POLK: variants seen among roughly 807,000 people sequenced by gnomAD.
POLK encodes polymerase (DNA directed) kappa.
Under a neutral mutation model 94.0 loss-of-function variants are expected in POLK, and 76 were observed. The ratio of observed to expected loss-of-function variants is 0.81; its 90% CI spans 0.67 to 0.98. POLK has a LOEUF of 0.98. Among genes scored for constraint, POLK ranks in the 50% least tolerant of loss-of-function variants. POLK has a pLI of 0.00. For synonymous variants in POLK, 349 were observed against 325.4 expected (o/e 1.07, Z -0.78); for missense variants, 954 against 1,010.1 (o/e 0.94, Z 0.75).
rs147867764 is a variant in POLK, at chr5:75,542,760, T to G, written c.-13-4250T>G. On this transcript the variant is annotated intron_variant, in intron 1 of 14. Coordinates refer to ENST00000241436, the Ensembl canonical transcript of POLK. ...TCGCCCAGGCTGCAGTGCAGTGGCG[T>G]GATCTCGGCTCACTGCAACCTGGCT... Among the ~76,000 whole-genome samples the G allele has an allele frequency of 1.1e-3, 163 of 149,812 alleles. 1 individual carries two copies. The East Asian group carries it at 0.027, about 25-fold the overall frequency.
chr5:75,595,498 C>T (rs1268136027), intron 12 of POLK, among the ~76,000 whole-genome samples: 3 of 152,054 alleles, frequency 2.0e-5, no homozygotes, highest in Non-Finnish European at 2.9e-5. Flanking sequence ...AAGCTAAATA[C>T]TGTGTGATTC....
intron 9 of POLK, among the ~76,000 whole-genome samples, chr5:75,585,390 G>A (rs984952852): frequency 1.3e-5 from 2 of 152,202 alleles, no homozygotes; most frequent in South Asian, 4.1e-4. Context: ...AGGCACTGTA[G>A]ATAACAGCAG....
At chr5:75,533,364 T>G (rs1199232969) in intron 1 of POLK, among the ~76,000 whole-genome samples, 1 of 152,222 alleles carries the variant, frequency 6.6e-6, no homozygotes, top group Non-Finnish European at 1.5e-5. Flanking sequence ...TTGCGTGTTT[T>G]TGTTGATTTT....
rs527681341 is a variant in POLK, at chr5:75,519,799, G to T, written c.-14+7885G>T. On this transcript the variant is annotated intron_variant, in intron 1 of 14. Transcript: ENST00000241436. ...GTGAAGTGGATTTCTTGTGGGAATT[G>T]TATGGTTTGGTCTTGTTTCTTTATC... 2.6e-5 allele frequency among the ~76,000 whole-genome samples: 4 copies of T among 152,242 alleles called. No individual in the cohort carries two copies. The South Asian group carries it at 6.2e-4, about 24-fold the overall frequency.
chr5:75,597,541 A>G (rs1412755385), intron 13 of POLK: 2 of 427,434 alleles, frequency 4.7e-6, no homozygotes, highest in Non-Finnish European at 4.2e-6. Context: ...TGCTGACTCT[A>G]CCCAAATTTC....
chr5:75,590,102 A>G (rs1238270350), intron 10 of POLK, among the ~76,000 whole-genome samples: 1 of 152,200 alleles, frequency 6.6e-6, no homozygotes, highest in Non-Finnish European at 1.5e-5. Context: ...TTTTTGTGAT[A>G]TAATAGAGCA....
chr5:75,545,070 C>T (rs5744580), intron 1 of POLK, among the ~76,000 whole-genome samples: 89 of 152,258 alleles, frequency 5.8e-4, no homozygotes, highest in Middle Eastern at 3.4e-3. Context: ...GGAGCTTTGG[C>T]GTCACAGCTC....
exon 1 of POLK, chr5:75,511,869 C>T (rs1768031895): frequency 7.9e-6 from 12 of 1,515,510 alleles, no homozygotes; most frequent in African/African-American, 1.4e-5. Context: ...TGGTCCGTCG[C>T]TCGCGCAGCC....
exon 13 of POLK, chr5:75,596,313 G>A (rs1773081492): frequency 1.2e-5 from 20 of 1,613,196 alleles, no homozygotes; most frequent in Non-Finnish European, 1.6e-5. Flanking sequence ...ACCAAGCCCT[G>A]TCAGCCACTG....
At chr5:75,560,986 G>A (rs999979709) in intron 3 of POLK, among the ~76,000 whole-genome samples, 6 of 152,154 alleles carry the variant, frequency 3.9e-5, no homozygotes, top group Non-Finnish European at 7.3e-5. Context: ...ATGTACATGT[G>A]TCTTTATAGT....
Position 75,577,016 on chromosome 5 carries a change from A to G in POLK, c.694+83A>G. 7 of 788,410 alleles carry G rather than the reference A, an allele frequency of 8.9e-6. No individual in the cohort carries two copies. In the South Asian group the frequency reaches 1.9e-4, roughly 21 times the overall value. The allele number at this position is 788,410 out of a possible 1,614,324, so 48.8% of individuals were successfully genotyped here. A position where few individuals can be genotyped will look rare whatever the true frequency, so the allele number is the denominator to read the frequency against. On this transcript the variant is annotated intron_variant, in intron 6 of 14. Coordinates refer to ENST00000241436, the Ensembl canonical transcript of POLK. The stretch of plus-strand genomic sequence containing the variant: ...CTCTTTGAATTAATCCAATTAATTT[A>G]TTAGCCTGCATAGGTAGAAGGGATA...
intron 1 of POLK, among the ~76,000 whole-genome samples, chr5:75,533,785 T>C (rs1769303306): frequency 6.6e-6 from 1 of 152,230 alleles, no homozygotes; most frequent in Non-Finnish European, 1.5e-5. Flanking sequence ...TTTTTAATTC[T>C]CATTGTAGAG....
In POLK at chr5:75,531,876, T is replaced by C. The variant is rs183993049; in HGVS notation, c.-13-15134T>C. 6.1e-4 allele frequency among the ~76,000 whole-genome samples: 93 copies of C among 152,286 alleles called. 1 individual carries two copies. The highest frequency in any genetic ancestry group is 2.2e-3 in the African/African-American group (90 of 41,554). On this transcript the variant is annotated intron_variant, in intron 1 of 14. Transcript: ENST00000241436. ...TATGAGCACAGCGTAGTTAAATGTCTCTGGCTCATGAAGGTCCAGTCAAGT... is the reference window on the plus strand; with the variant it reads ...TATGAGCACAGCGTAGTTAAATGTCCCTGGCTCATGAAGGTCCAGTCAAGT...
chr5:75,569,551 G>A, intron 4 of POLK, 59 bp downstream of exon 4: 1 of 1,402,600 alleles, frequency 7.1e-7, no homozygotes, highest in Non-Finnish European at 9.8e-7. Context: ...AAGCTTTACT[G>A]TTTCATGAAG....
intron 7 of POLK, chr5:75,583,086 C>T: frequency 2.7e-6 from 1 of 371,914 alleles, no homozygotes. Flanking sequence ...TTTTTGCTGC[C>T]ACAATGACTG....
chr5:75,548,524 A>G (rs952492313), intron 2 of POLK, among the ~76,000 whole-genome samples: 10 of 149,626 alleles, frequency 6.7e-5, no homozygotes, highest in Non-Finnish European at 1.0e-4. Flanking sequence ...ATTAATATAC[A>G]TTATATATAC....
intron 1 of POLK, among the ~76,000 whole-genome samples, chr5:75,516,800 G>C (rs1229924030): frequency 2.0e-5 from 3 of 152,102 alleles, no homozygotes; most frequent in African/African-American, 7.2e-5. Context: ...TTTGATTTTT[G>C]TATCAAAAAT....
At chr5:75,604,855 C>G (rs1357556418), downstream of POLK, among the ~76,000 whole-genome samples, 1 of 152,136 alleles carries the variant, frequency 6.6e-6, no homozygotes, top group Non-Finnish European at 1.5e-5. Flanking sequence ...CTTTGTAATA[C>G]ATAACTGAAT....
chr5:75,552,522 A>G, exon 3 of POLK: 3 of 1,613,062 alleles, frequency 1.9e-6, no homozygotes, highest in South Asian at 1.1e-5. Context: ...AAGTCAACCA[A>G]CGAATTGAAA....
Sources: allele counts gnomAD v4.1 joint callset (sites outside exome capture counted in the v4.1 genomes callset), GRCh38; gene constraint gnomAD v4.1.1; transcripts MANE v1.5; gene names NCBI Gene and HGNC (gene_info 2026-07-23, HGNC 2026-07-21).